CCDC150: variants seen among roughly 807,000 people sequenced by gnomAD.
CCDC150 encodes coiled-coil domain-containing protein 150.
In CCDC150, 151 loss-of-function variants were observed where a neutral mutation model predicts 156.5. The ratio of observed to expected loss-of-function variants is 0.97; its 90% CI spans 0.85 to 1.10. The LOEUF (loss-of-function observed/expected upper bound fraction) is 1.10. Among genes scored for constraint, CCDC150 ranks in the 50% least tolerant of loss-of-function variants. The probability of loss-of-function intolerance (pLI) is 0.00; values close to 1 mark genes in which losing one functional copy is unlikely to be tolerated. For missense variants in CCDC150, 1,312 were observed against 1,268.1 expected (o/e 1.03, Z -0.53); for synonymous variants, 452 against 429.4 (o/e 1.05, Z -0.65).
intron 14 of CCDC150, among the ~76,000 whole-genome samples, chr2:196,696,803 A>T (rs1266318828): frequency 1.3e-5 from 2 of 152,224 alleles, no homozygotes. Context: ...GTTCTTTGAG[A>T]GTAAAAACTT....
chr2:196,654,018 G>C (rs905674265), intron 2 of CCDC150, among the ~76,000 whole-genome samples: 1 of 152,152 alleles, frequency 6.6e-6, no homozygotes, highest in African/African-American at 2.4e-5. Flanking sequence ...AAGAGGAGGA[G>C]ATGCCAGGCT....
chr2:196,670,502 C>T (rs529284771), intron 8 of CCDC150, among the ~76,000 whole-genome samples: 1 of 151,780 alleles, frequency 6.6e-6, no homozygotes, highest in East Asian at 1.9e-4. Context: ...GAAAGCCCCA[C>T]CTACAATGCA....
chr2:196,703,949 A>G (rs1176404006), intron 15 of CCDC150, among the ~76,000 whole-genome samples: 3 of 152,200 alleles, frequency 2.0e-5, no homozygotes, highest in African/African-American at 7.2e-5. Context: ...CTATTGATTC[A>G]TTGGTGCTTT....
At chr2:196,693,669 C>T (rs1282803347) in intron 13 of CCDC150, among the ~76,000 whole-genome samples, 1 of 152,076 alleles carries the variant, frequency 6.6e-6, no homozygotes, top group East Asian at 1.9e-4. Context: ...GCTATGGCCT[C>T]CTGTATGATG....
At position 196,672,345 on chromosome 2, in the gene CCDC150, A is replaced by G. The variant is rs778058598; in HGVS notation, c.937A>G (p.Asn313Asp). ...LISKLVEENKNLQISFNKEHE... is the reference protein window; with the variant it reads ...LISKLVEENKDLQISFNKEHE... ...AAGAGAGTAATTTTTTTTCTTATAG[A>G]ACCTGCAGATATCTTTCAACAAGGA... The change falls in exon 9 of 28, where the codon AAC (asparagine) becomes GAC (aspartate). Residue 313 changes from asparagine to aspartate, a missense_variant and splice_region_variant. Asn to Asp is a conservative substitution (Grantham distance 23). Transcript: ENST00000389175. 3 of 1,503,172 alleles carry G rather than the reference A, an allele frequency of 2.0e-6. No individual in the cohort carries two copies. In the Admixed American group the frequency reaches 7.1e-5, roughly 36 times the overall value. 93.1% of individuals were successfully genotyped at this position (1,503,172 alleles called of 1,614,324 possible). A position where few individuals can be genotyped will look rare whatever the true frequency, so the allele number is the denominator to read the frequency against.
chr2:196,674,593 T>A (rs1016529171), intron 10 of CCDC150, among the ~76,000 whole-genome samples: 1 of 152,178 alleles, frequency 6.6e-6, no homozygotes, highest in Non-Finnish European at 1.5e-5. Context: ...GTCCCATTGT[T>A]TATAGAATCA....
At chr2:196,663,045 C>T (rs1295194751) in intron 5 of CCDC150, among the ~76,000 whole-genome samples, 1 of 151,854 alleles carries the variant, frequency 6.6e-6, no homozygotes, top group Admixed American at 6.6e-5. Flanking sequence ...TGAGACCAGC[C>T]TTGGTAACAA....
chr2:196,720,410 A>G (rs1002242519), intron 19 of CCDC150, among the ~76,000 whole-genome samples, 165 bp from the exon 20 acceptor site: 2 of 152,246 alleles, frequency 1.3e-5, no homozygotes, highest in Non-Finnish European at 2.9e-5. Context: ...CAGCAAGTCA[A>G]TCTTTGTAAA....
At chr2:196,642,961 T>C (rs757929490) in intron 1 of CCDC150, among the ~76,000 whole-genome samples, 8 of 152,198 alleles carry the variant, frequency 5.3e-5, no homozygotes, top group Non-Finnish European at 1.2e-4. Flanking sequence ...CAGGCTGGTC[T>C]GGAACTCCTG....
At chr2:196,731,911 G>A in intron 26 of CCDC150, 122 bp from the exon 27 acceptor site, 1 of 826,440 alleles carries the variant, frequency 1.2e-6, no homozygotes, top group Non-Finnish European at 1.9e-6. Flanking sequence ...AATAGGTTGT[G>A]AAGAACAAGC....
chr2:196,680,464 G>A (rs1002938534), intron 13 of CCDC150, among the ~76,000 whole-genome samples: 2 of 152,022 alleles, frequency 1.3e-5, no homozygotes, highest in African/African-American at 2.4e-5. Flanking sequence ...ACCACACTCA[G>A]CTAATTTTTT....
intron 15 of CCDC150, among the ~76,000 whole-genome samples, chr2:196,701,609 T>G (rs1696213558): frequency 6.6e-6 from 1 of 152,196 alleles, no homozygotes; most frequent in Non-Finnish European, 1.5e-5. Context: ...GCAGGAAGCC[T>G]GCAACTGATA....
chr2:196,699,710 G>C (rs1696075150), intron 14 of CCDC150, among the ~76,000 whole-genome samples: 1 of 152,106 alleles, frequency 6.6e-6, no homozygotes, highest in Admixed American at 6.5e-5. Flanking sequence ...TGTAGAGACA[G>C]GGTTTTGCTA....
At chr2:196,654,342 G>A (rs990793251) in intron 2 of CCDC150, among the ~76,000 whole-genome samples, 1 of 151,392 alleles carries the variant, frequency 6.6e-6, no homozygotes, top group Non-Finnish European at 1.5e-5. Context: ...TATGTTTTCT[G>A]TTCCTTTCAC....
At chr2:196,689,555 T>C (rs1024409495) in intron 13 of CCDC150, among the ~76,000 whole-genome samples, 1 of 152,122 alleles carries the variant, frequency 6.6e-6, no homozygotes, top group African/African-American at 2.4e-5. Flanking sequence ...TTGTCTGTTA[T>C]TGGTGTATAA....
At chr2:196,656,524 C>T in intron 2 of CCDC150, 109 bp from the exon 3 acceptor site, 1 of 747,702 alleles carries the variant, frequency 1.3e-6, no homozygotes, top group Non-Finnish European at 2.2e-6. Context: ...TTGGTGATGT[C>T]ACTCTCCAAT....
chr2:196,732,297 T>C (rs963629865), intron 27 of CCDC150, 145 bp downstream of exon 27: 3 of 1,160,998 alleles, frequency 2.6e-6, no homozygotes, highest in Non-Finnish European at 3.7e-6. Flanking sequence ...AATTAATTTC[T>C]TTTTTTTACA....
chr2:196,657,983 A>G (rs1693325063), intron 4 of CCDC150, among the ~76,000 whole-genome samples: 1 of 152,198 alleles, frequency 6.6e-6, no homozygotes, highest in Non-Finnish European at 1.5e-5. Context: ...AATAAGTTGG[A>G]TATTAGCTAG....
chr2:196,701,042 T>C, intron 14 of CCDC150, 67 bp from the exon 15 acceptor site: 1 of 1,023,334 alleles, frequency 9.8e-7, no homozygotes, highest in Non-Finnish European at 1.5e-6. Context: ...TAAATACTTG[T>C]TTAAAAATGA....
Sources: allele counts gnomAD v4.1 joint callset (sites outside exome capture counted in the v4.1 genomes callset), GRCh38; gene constraint gnomAD v4.1.1; transcripts MANE v1.5; gene names NCBI Gene and HGNC (gene_info 2026-07-23, HGNC 2026-07-21).